Variants in DLG2 observed in about 807,000 individuals in gnomAD.
DLG2 encodes the protein disks large homolog 2.
In DLG2, 45 loss-of-function variants were observed where a neutral mutation model predicts 132.5. The ratio of observed to expected loss-of-function variants is 0.34; its 90% CI spans 0.27 to 0.44. The LOEUF (loss-of-function observed/expected upper bound fraction) is 0.44. Ranked by LOEUF, DLG2 falls within the 20% of genes least tolerant of loss-of-function variation. The probability of loss-of-function intolerance (pLI) is 1.00; values close to 1 mark genes in which losing one functional copy is unlikely to be tolerated. For synonymous variants in DLG2, 424 were observed against 419.6 expected (o/e 1.01, Z -0.13); for missense variants, 1,045 against 1,196.9 (o/e 0.87, Z 1.87).
At chr11:85,549,361 G>A (rs1412157439) in intron 3 of DLG2, among the ~76,000 whole-genome samples, 1 of 152,152 alleles carries the variant, frequency 6.6e-6, no homozygotes, top group African/African-American at 2.4e-5. Flanking sequence ...AGCTGGAAAT[G>A]CAGAAATCAC....
intron 3 of DLG2, among the ~76,000 whole-genome samples, chr11:85,552,221 C>A (rs940661198): frequency 2.6e-5 from 4 of 151,340 alleles, no homozygotes; most frequent in African/African-American, 9.7e-5. Context: ...TCCAATCTCA[C>A]AACGAGTGGT....
intron 17 of DLG2, among the ~76,000 whole-genome samples, chr11:83,788,715 T>C (rs980553228): frequency 1.3e-5 from 2 of 152,208 alleles, no homozygotes; most frequent in Non-Finnish European, 2.9e-5. Context: ...GTCAAACAGT[T>C]AAGGTTTACT....
At chr11:85,061,770 A>T (rs1463421674) in intron 6 of DLG2, among the ~76,000 whole-genome samples, 3 of 151,910 alleles carry the variant, frequency 2.0e-5, no homozygotes, top group Non-Finnish European at 2.9e-5. Flanking sequence ...AGTGAATAGA[A>T]ATGTTAGAAA....
intron 9 of DLG2, among the ~76,000 whole-genome samples, chr11:84,117,070 T>C (rs1053775749): frequency 6.6e-6 from 1 of 152,214 alleles, no homozygotes; most frequent in Non-Finnish European, 1.5e-5. Context: ...TCTTATTCTA[T>C]TCTTCCTTTA....
chr11:85,123,631 CG>C (rs2074707651), intron 5 of DLG2, among the ~76,000 whole-genome samples: 1 of 152,128 alleles, frequency 6.6e-6, no homozygotes, highest in African/African-American at 2.4e-5. Flanking sequence ...AAACATTTTC[CG>C]GGAACTTTCG....
rs563982727 is a variant in DLG2 at position 84,600,436 on chromosome 11, C to T, written c.358-65705G>A. ...TTTTTAATCACTTACATGACAGATTCCACCCTTCCCCTATTCTCTCCACAA... is the reference window on the plus strand; with the variant it reads ...TTTTTAATCACTTACATGACAGATTTCACCCTTCCCCTATTCTCTCCACAA... On this transcript the variant is annotated intron_variant, in intron 6 of 27. Coordinates refer to ENST00000376104, the MANE Select transcript of DLG2 (RefSeq NM_001142699.3). Among the ~76,000 whole-genome samples, 761 of 152,150 alleles carry T rather than the reference C, an allele frequency of 5.0e-3. 6 individuals carry two copies. Among genetic ancestry groups the T allele is most frequent in the Middle Eastern group, 0.037 (11 of 294 alleles).
At chr11:84,000,393 T>G (rs1268160392) in intron 11 of DLG2, among the ~76,000 whole-genome samples, 5 of 151,922 alleles carry the variant, frequency 3.3e-5, no homozygotes, top group African/African-American at 1.2e-4. Context: ...GACCAAATAT[T>G]CAAATAATCA....
chr11:85,347,835 A>G (rs1262187694), intron 3 of DLG2, among the ~76,000 whole-genome samples: 3 of 118,604 alleles, frequency 2.5e-5, no homozygotes, highest in Non-Finnish European at 4.9e-5. Context: ...AGCAAGTCTC[A>G]CTCTGTCACC....
intron 6 of DLG2, among the ~76,000 whole-genome samples, chr11:84,691,625 T>C (rs1479218507): frequency 6.6e-6 from 1 of 151,704 alleles, no homozygotes; most frequent in Non-Finnish European, 1.5e-5. Flanking sequence ...AGAAAAATAA[T>C]CTATTCTATA....
At chr11:84,415,829 C>A (rs996693229) in intron 7 of DLG2, among the ~76,000 whole-genome samples, 2 of 152,142 alleles carry the variant, frequency 1.3e-5, no homozygotes, top group African/African-American at 4.8e-5. Context: ...ATCTATACAG[C>A]ACTGATAATA....
At chr11:83,840,928 T>C (rs1595243185) in intron 16 of DLG2, among the ~76,000 whole-genome samples, 1 of 152,348 alleles carries the variant, frequency 6.6e-6, no homozygotes, top group Middle Eastern at 3.4e-3. Context: ...AATACCCTTT[T>C]ATCTTACTGT....
chr11:85,177,498 CA>C (rs2152505113), intron 4 of DLG2, among the ~76,000 whole-genome samples: 1 of 152,076 alleles, frequency 6.6e-6, no homozygotes, highest in Admixed American at 6.5e-5. Flanking sequence ...TGCAGGGGAA[CA>C]ACACACACTG....
chr11:83,735,499 T>A (rs535831865), intron 18 of DLG2, among the ~76,000 whole-genome samples: 1 of 152,322 alleles, frequency 6.6e-6, no homozygotes, highest in South Asian at 2.1e-4. Context: ...ATAAATTTAA[T>A]TTAGGTTTAC....
At chr11:84,229,818 T>A (rs528836457) in intron 8 of DLG2, among the ~76,000 whole-genome samples, 83 of 152,324 alleles carry the variant, frequency 5.4e-4, no homozygotes, top group African/African-American at 1.9e-3. Context: ...TATCTAACTA[T>A]AATGGTGGTT....
At chr11:85,480,189 T>C (rs1229596583) in intron 3 of DLG2, among the ~76,000 whole-genome samples, 1 of 152,198 alleles carries the variant, frequency 6.6e-6, no homozygotes, top group Non-Finnish European at 1.5e-5. Context: ...CACAATCACT[T>C]TAGAGAACAT....
At chr11:85,492,167 C>T (rs541828144) in intron 3 of DLG2, among the ~76,000 whole-genome samples, 1 of 152,244 alleles carries the variant, frequency 6.6e-6, no homozygotes, top group Non-Finnish European at 1.5e-5. Flanking sequence ...TGTTAATTCG[C>T]TCAATTTAGC....
chr11:83,951,126 A>G (rs1410616511), intron 14 of DLG2, among the ~76,000 whole-genome samples: 1 of 152,172 alleles, frequency 6.6e-6, no homozygotes, highest in Admixed American at 6.5e-5. Flanking sequence ...TTTAAATTAG[A>G]TACAGTATTA....
At chr11:85,162,014 G>A (rs76309105) in intron 4 of DLG2, among the ~76,000 whole-genome samples, 55 of 152,226 alleles carry the variant, frequency 3.6e-4, no homozygotes, top group Non-Finnish European at 6.0e-4. Flanking sequence ...CTGGCCTAGA[G>A]GTCTTAGTTG....
chr11:84,554,966 A>C (rs181819632), intron 6 of DLG2, among the ~76,000 whole-genome samples: 1 of 152,124 alleles, frequency 6.6e-6, no homozygotes, highest in African/African-American at 2.4e-5. Flanking sequence ...TTGTGTTGGA[A>C]AAGAGTGTGG....
Sources: allele counts gnomAD v4.1 joint callset (sites outside exome capture counted in the v4.1 genomes callset), GRCh38; gene constraint gnomAD v4.1.1; transcripts MANE v1.5; gene names NCBI Gene and HGNC (gene_info 2026-07-23, HGNC 2026-07-21).